Variants in NCK1 observed in about 807,000 individuals in gnomAD.
NCK1 encodes SH2/SH3 adapter protein NCK1.
Under a neutral mutation model 36.6 loss-of-function variants are expected in NCK1, and 19 were observed. The ratio of observed to expected loss-of-function variants is 0.52; its 90% CI spans 0.36 to 0.76. The LOEUF (loss-of-function observed/expected upper bound fraction) is 0.76, where lower values mean the gene tolerates loss of function less well. Ranked by LOEUF, NCK1 falls within the 30% of genes least tolerant of loss-of-function variation. The probability of loss-of-function intolerance (pLI) is 0.00; values close to 1 mark genes in which losing one functional copy is unlikely to be tolerated. For missense variants in NCK1, 358 were observed against 445.6 expected, an observed-to-expected ratio of 0.80 and a Z score of 1.77; for synonymous variants, 165 against 156.0, an observed-to-expected ratio of 1.06 and a Z score of -0.43.
chr3:136,912,244 C>T (rs1939846827), intron 1 of NCK1, among the ~76,000 whole-genome samples: 1 of 147,512 alleles, frequency 6.8e-6, no homozygotes, highest in African/African-American at 2.5e-5. Flanking sequence ...CTCACTGCAA[C>T]CTCTGCCTTC....
intron 1 of NCK1, among the ~76,000 whole-genome samples, chr3:136,873,763 G>A (rs1201367772): frequency 2.0e-5 from 3 of 152,100 alleles, no homozygotes; most frequent in African/African-American, 7.2e-5. Context: ...AGTCTTTTGA[G>A]AACTGATGAT....
chr3:136,868,526 C>T (rs1264474357), intron 1 of NCK1, among the ~76,000 whole-genome samples: 3 of 152,048 alleles, frequency 2.0e-5, no homozygotes, highest in Admixed American at 1.3e-4. Flanking sequence ...CAGGGTTTCA[C>T]CATGTTGGCC....
intron 2 of NCK1, among the ~76,000 whole-genome samples, chr3:136,940,889 C>G (rs908791897): frequency 7.2e-5 from 11 of 152,044 alleles, no homozygotes; most frequent in African/African-American, 2.7e-4. Flanking sequence ...TCTCAGTTAT[C>G]CTTTACATGG....
chr3:136,911,617 T>C (rs1050650936), intron 1 of NCK1, among the ~76,000 whole-genome samples: 2 of 152,230 alleles, frequency 1.3e-5, no homozygotes, highest in Non-Finnish European at 2.9e-5. Context: ...TGGAGTTCCT[T>C]ATATATTTTG....
chr3:136,942,780 T>TCCTTGTCCCAGTTGTTGTC (rs1340847012), intron 2 of NCK1, among the ~76,000 whole-genome samples: 1 of 152,204 alleles, frequency 6.6e-6, no homozygotes, highest in African/African-American at 2.4e-5. Flanking sequence ...ATCTGTCTGT[T>TCCTTGTCCCAGTTGTTGTC]CCTTGTCCCA....
At chr3:136,902,557 A>G (rs905603143) in intron 1 of NCK1, among the ~76,000 whole-genome samples, 2 of 152,134 alleles carry the variant, frequency 1.3e-5, no homozygotes, top group African/African-American at 2.4e-5. Context: ...TACGATTTCA[A>G]TTTTTAAAAA....
At chr3:136,890,097 C>T (rs1321108099) in intron 1 of NCK1, among the ~76,000 whole-genome samples, 4 of 152,092 alleles carry the variant, frequency 2.6e-5, no homozygotes, top group Admixed American at 6.5e-5. Context: ...GCCCATGGGG[C>T]GGGGAGGCTC....
intron 2 of NCK1, chr3:136,928,688 C>CTACA (rs1192967804): frequency 6.5e-6 from 1 of 154,078 alleles, no homozygotes; most frequent in Non-Finnish European, 1.4e-5. Flanking sequence ...ACATTAGCAC[C>CTACA]TACAGAGCTC....
intron 1 of NCK1, among the ~76,000 whole-genome samples, chr3:136,898,385 CA>C (rs36033316): frequency 0.26 from 19,948 of 76,472 alleles, 1,504 homozygotes; most frequent in South Asian, 0.33. Context: ...GACTCCCTCT[CA>C]AAAAAAAAAA....
At position 136,900,397 on chromosome 3, in the gene NCK1, T is replaced by C. The variant is rs114585067; in HGVS notation, c.-18-27587T>C. On this transcript the variant is annotated intron_variant, in intron 1 of 3. Transcript: ENST00000481752. ...TTTATTCTTTTTGCTTAAGATTGTT[T>C]TGGTTGTTTGGGCTCCTTTTTGGTT... is the stretch of plus-strand genomic sequence containing the variant. 5.5e-3 allele frequency among the ~76,000 whole-genome samples: 840 copies of C among 152,336 alleles called. 7 individuals are homozygous for C. Among genetic ancestry groups the C allele is most frequent in the Non-Finnish European group, 9.8e-3 (665 of 68,032 alleles).
intron 2 of NCK1, 158 bp downstream of exon 2, chr3:136,928,385 G>A (rs957463673): frequency 4.5e-6 from 3 of 660,598 alleles, no homozygotes; most frequent in Non-Finnish European, 7.7e-6. Flanking sequence ...GAAGACCAGT[G>A]AAGGTCATAA....
At chr3:136,944,664 G>A (rs1296582416) in intron 2 of NCK1, among the ~76,000 whole-genome samples, 1 of 152,152 alleles carries the variant, frequency 6.6e-6, no homozygotes, top group Non-Finnish European at 1.5e-5. Flanking sequence ...GATCCTAGAA[G>A]GATCAGGATT....
intron 1 of NCK1, among the ~76,000 whole-genome samples, chr3:136,865,632 T>G (rs1218400709): frequency 6.6e-6 from 1 of 152,224 alleles, no homozygotes; most frequent in Non-Finnish European, 1.5e-5. Context: ...GTTCTTTATC[T>G]GCACTAGAAA....
chr3:136,886,835 T>A (rs79249447), intron 1 of NCK1, among the ~76,000 whole-genome samples: 4 of 138,220 alleles, frequency 2.9e-5, no homozygotes, highest in Non-Finnish European at 1.6e-5. Context: ...TTTTTTTTTT[T>A]CCTATCTTTC....
chr3:136,890,340 C>T (rs552751902), intron 1 of NCK1, among the ~76,000 whole-genome samples: 74 of 152,308 alleles, frequency 4.9e-4, no homozygotes, highest in African/African-American at 1.7e-3. Flanking sequence ...CCAGCTGGCC[C>T]GCCAGCGTTG....
rs763459609 is a variant in NCK1 at position 136,948,472 on chromosome 3, ACTGCTG to A, written c.*20_*25del. 4.4e-6 allele frequency: 7 copies of A among 1,597,482 alleles called. No individual in the cohort carries two copies. In the African/African-American group the frequency reaches 9.4e-5, roughly 21 times the overall value. On this transcript the variant is annotated 3_prime_UTR_variant, in exon 4 of 4. Transcript: ENST00000481752. Reference sequence around the variant, plus strand: ...ATCATGATACTGCTGACCAGAAGTGACTGCTGTGTAGCTGTAATTTGTCATGTAATT... The same window carrying A: ...ATCATGATACTGCTGACCAGAAGTGATGTAGCTGTAATTTGTCATGTAATT...
At chr3:136,919,129 G>C (rs1940041577) in intron 1 of NCK1, among the ~76,000 whole-genome samples, 1 of 152,142 alleles carries the variant, frequency 6.6e-6, no homozygotes, top group Admixed American at 6.5e-5. Context: ...TTCTGGAAAA[G>C]GCAAAACTAC....
At chr3:136,934,931 G>T (rs1940490691) in intron 2 of NCK1, among the ~76,000 whole-genome samples, 1 of 152,126 alleles carries the variant, frequency 6.6e-6, no homozygotes, top group Non-Finnish European at 1.5e-5. Flanking sequence ...GAAGTGCTAT[G>T]ACCTGAGTGT....
intron 1 of NCK1, among the ~76,000 whole-genome samples, chr3:136,913,404 G>A (rs900887078): frequency 6.6e-6 from 1 of 151,936 alleles, no homozygotes; most frequent in African/African-American, 2.4e-5. Context: ...GAGGAGCTGG[G>A]ACTGCAAGTG....
Sources: allele counts gnomAD v4.1 joint callset (sites outside exome capture counted in the v4.1 genomes callset), GRCh38; gene constraint gnomAD v4.1.1; transcripts MANE v1.5; gene names NCBI Gene and HGNC (gene_info 2026-07-23, HGNC 2026-07-21).